CNTN6: variants seen among roughly 807,000 people sequenced by gnomAD.
CNTN6 encodes contactin-6.
In CNTN6, 137 loss-of-function variants were observed where a neutral mutation model predicts 122.8. The observed-to-expected ratio is 1.12, with a 90% confidence interval of 0.97 to 1.29. The LOEUF is 1.29. Ranked by LOEUF, CNTN6 falls within the 50% of genes most tolerant of loss-of-function variation. The probability of loss-of-function intolerance (pLI) is 0.00; values close to 1 mark genes in which losing one functional copy is unlikely to be tolerated. For missense variants in CNTN6, 1,634 were observed against 1,223.4 expected (o/e 1.34, Z -5.01); for synonymous variants, 570 against 426.0 (o/e 1.34, Z -4.16).
rs946049271 is a variant in CNTN6 at position 1,383,184 on chromosome 3, G to A, written c.2401+8G>A. ...TCTACTCTGGGGAAGATGGTAAGTT[G>A]TCCTCAACTCTGGTTTTCTTTGAGA... On this transcript the variant is annotated splice_region_variant and intron_variant, in intron 18 of 22. Transcript: ENST00000446702. 6.2e-7 allele frequency: 1 copy of A among 1,609,698 alleles called. No individual in the cohort carries two copies. Among genetic ancestry groups the A allele is most frequent in the Non-Finnish European group, 8.5e-7 (1 of 1,176,244 alleles).
intron 4 of CNTN6, among the ~76,000 whole-genome samples, chr3:1,238,903 CAAGAA>C (rs1279900399): frequency 2.0e-5 from 3 of 151,920 alleles, no homozygotes; most frequent in Admixed American, 6.6e-5. Flanking sequence ...TGAGATTAAC[CAAGAA>C]AAGAAGAGAG....
chr3:1,158,857 T>C (rs2093048162), intron 2 of CNTN6, among the ~76,000 whole-genome samples: 2 of 118,840 alleles, frequency 1.7e-5, no homozygotes, highest in Non-Finnish European at 3.2e-5. Context: ...TACATACATA[T>C]ATATACACAC....
chr3:1,321,987 A>C (rs1356314227), intron 8 of CNTN6, among the ~76,000 whole-genome samples, 153 bp downstream of exon 8: 1 of 151,634 alleles, frequency 6.6e-6, no homozygotes, highest in African/African-American at 2.4e-5. Flanking sequence ...TGATTAGCAG[A>C]TGGGAATGAC....
At chr3:1,381,919 C>T (rs112131406) in intron 17 of CNTN6, among the ~76,000 whole-genome samples, 67 of 151,604 alleles carry the variant, frequency 4.4e-4, no homozygotes, top group African/African-American at 1.5e-3. Flanking sequence ...AAGACGGTGC[C>T]TGTGGTTCTG....
In CNTN6 at chr3:1,305,796, A is replaced by T. The variant is rs1575628512; in HGVS notation, c.761+7805A>T. On this transcript the variant is annotated intron_variant, in intron 7 of 22. Coordinates refer to ENST00000446702, the MANE Select transcript of CNTN6 (RefSeq NM_001289080.2). ...CACAGAGGACTATATTTATGTGTAC[A>T]TGTATAACTTATTTTTTTTTCTAAT... Among the ~76,000 whole-genome samples the T allele has an allele frequency of 2.0e-5, 3 of 152,246 alleles. No individual in the cohort carries two copies. The South Asian group carries it at 6.2e-4, about 32-fold the overall frequency.
At chr3:1,316,692 T>C (rs1218643400) in intron 7 of CNTN6, among the ~76,000 whole-genome samples, 1 of 151,868 alleles carries the variant, frequency 6.6e-6, no homozygotes, top group Non-Finnish European at 1.5e-5. Context: ...CTTTACTACA[T>C]ACATAGTATT....
At chr3:1,386,339 T>C (rs1466747277) in intron 20 of CNTN6, among the ~76,000 whole-genome samples, 1 of 152,176 alleles carries the variant, frequency 6.6e-6, no homozygotes, top group Admixed American at 6.5e-5. Context: ...TCTTTCCTTT[T>C]AGGATACCTT....
chr3:1,314,625 G>A (rs1021926351), intron 7 of CNTN6, among the ~76,000 whole-genome samples: 25 of 152,086 alleles, frequency 1.6e-4, no homozygotes, highest in African/African-American at 5.8e-4. Context: ...AACTAGGTCA[G>A]ATGGTTAAGA....
intron 1 of CNTN6, among the ~76,000 whole-genome samples, chr3:1,115,550 C>G (rs910288779): frequency 2.6e-5 from 4 of 152,102 alleles, no homozygotes; most frequent in African/African-American, 7.2e-5. Context: ...GAATTTGAGA[C>G]CAGCCTGGCC....
chr3:1,122,337 C>G (rs1028861624), intron 1 of CNTN6, among the ~76,000 whole-genome samples: 7 of 111,748 alleles, frequency 6.3e-5, no homozygotes, highest in African/African-American at 2.7e-4. Context: ...GAAGGGAGGG[C>G]GAGAGAGAGG....
chr3:1,402,625 A>G (rs1447851041), intron 22 of CNTN6, 139 bp downstream of exon 22: 23 of 660,476 alleles, frequency 3.5e-5, no homozygotes, highest in Non-Finnish European at 3.7e-5. Context: ...AAAGGTGATG[A>G]GCCATTTTTT....
intron 1 of CNTN6, among the ~76,000 whole-genome samples, chr3:1,106,375 A>G (rs1355574866): frequency 2.0e-5 from 3 of 152,004 alleles, no homozygotes; most frequent in African/African-American, 7.3e-5. Context: ...TTAATATTTG[A>G]TGTTATTTGA....
At chr3:1,386,346 C>CCTTA (rs1033738078) in intron 20 of CNTN6, among the ~76,000 whole-genome samples, 52 of 152,218 alleles carry the variant, frequency 3.4e-4, no homozygotes, top group African/African-American at 1.2e-3. Flanking sequence ...TTTTAGGATA[C>CCTTA]CTTATTACTA....
intron 3 of CNTN6, among the ~76,000 whole-genome samples, chr3:1,227,512 T>C (rs546050516): frequency 2.6e-5 from 4 of 152,318 alleles, no homozygotes; most frequent in Non-Finnish European, 5.9e-5. Context: ...ACTAAAGGAA[T>C]AGGTTGGCCA....
chr3:1,207,203 G>C (rs34936364), intron 2 of CNTN6, among the ~76,000 whole-genome samples: 52,373 of 151,736 alleles, frequency 0.35, 9,563 homozygotes, highest in African/African-American at 0.48. Flanking sequence ...TGTTCTACTT[G>C]AGTGTTTTCT....
intron 11 of CNTN6, among the ~76,000 whole-genome samples, chr3:1,344,366 A>G (rs1200702789): frequency 5.9e-5 from 9 of 152,188 alleles, no homozygotes; most frequent in African/African-American, 2.2e-4. Context: ...GTATAGAGAA[A>G]CCACTTGGGA....
At chr3:1,256,437 T>C (rs3864028) in intron 4 of CNTN6, among the ~76,000 whole-genome samples, 34,237 of 151,918 alleles carry the variant, frequency 0.23, 4,435 homozygotes, top group East Asian at 0.4. Context: ...AAATGGATAA[T>C]TGATATTTAT....
At chr3:1,212,260 T>G (rs956337991) in intron 2 of CNTN6, among the ~76,000 whole-genome samples, 5 of 150,292 alleles carry the variant, frequency 3.3e-5, no homozygotes, top group Middle Eastern at 3.4e-3. Flanking sequence ...TTGTTTTTTT[T>G]TTTTTTTTTT....
At chr3:1,173,093 C>G (rs1175919475) in intron 2 of CNTN6, 3 of 391,148 alleles carry the variant, frequency 7.7e-6, no homozygotes, top group Non-Finnish European at 1.5e-5. Context: ...ACTTGTCTTG[C>G]TATTTGGAGA....
Sources: allele counts gnomAD v4.1 joint callset (sites outside exome capture counted in the v4.1 genomes callset), GRCh38; gene constraint gnomAD v4.1.1; transcripts MANE v1.5; gene names NCBI Gene and HGNC (gene_info 2026-07-23, HGNC 2026-07-21).